PRTFDC1: variants seen among roughly 807,000 people sequenced by gnomAD.
PRTFDC1 encodes phosphoribosyl transferase domain containing 1.
PRTFDC1 carries 38 observed loss-of-function variants against 34.6 expected under a neutral mutation model. The ratio of observed to expected loss-of-function variants is 1.10; its 90% CI spans 0.85 to 1.44. The LOEUF (loss-of-function observed/expected upper bound fraction) is 1.44. Ranked by LOEUF, PRTFDC1 falls within the 40% of genes most tolerant of loss-of-function variation. The pLI is 0.00. For missense variants in PRTFDC1, 270 were observed against 283.0 expected (o/e 0.95, Z 0.33); for synonymous variants, 93 against 98.1 (o/e 0.95, Z 0.31).
At chr10:24,911,233 C>G (rs1487112401) in intron 3 of PRTFDC1, among the ~76,000 whole-genome samples, 2 of 152,172 alleles carry the variant, frequency 1.3e-5, no homozygotes, top group Non-Finnish European at 2.9e-5. Context: ...TTTTTAATTG[C>G]TTTCTTCCTC....
At chr10:24,853,687 A>C (rs1287586824) in intron 7 of PRTFDC1, among the ~76,000 whole-genome samples, 1 of 152,158 alleles carries the variant, frequency 6.6e-6, no homozygotes, top group Non-Finnish European at 1.5e-5. Context: ...GGAGCAATGC[A>C]ATCCTTCCAT....
At chr10:24,855,482 A>C in intron 6 of PRTFDC1, 118 bp from the exon 7 acceptor site, 1 of 1,191,678 alleles carries the variant, frequency 8.4e-7, no homozygotes, top group Non-Finnish European at 1.2e-6. Flanking sequence ...GTGGCACTAT[A>C]TAGATGGTTC....
chr10:24,925,584 A>C (rs928567232), intron 3 of PRTFDC1, among the ~76,000 whole-genome samples: 1 of 152,256 alleles, frequency 6.6e-6, no homozygotes, highest in Non-Finnish European at 1.5e-5. Flanking sequence ...TATACATAGC[A>C]TGCTTAAGTT....
intron 3 of PRTFDC1, among the ~76,000 whole-genome samples, chr10:24,928,423 CAGAA>C: frequency 6.6e-6 from 1 of 152,184 alleles, no homozygotes; most frequent in East Asian, 1.9e-4. Context: ...TTTCCTGTCT[CAGAA>C]AGAAAAGGAG....
chr10:24,929,059 AG>A (rs1250559504), intron 3 of PRTFDC1, among the ~76,000 whole-genome samples: 10,971 of 132,804 alleles, frequency 0.083, 1,291 homozygotes, highest in East Asian at 0.19. Context: ...AAAAAAAGAA[AG>A]AAAGAAAGAA....
chr10:24,910,256 A>G (rs1848607071), intron 3 of PRTFDC1, among the ~76,000 whole-genome samples: 2 of 152,370 alleles, frequency 1.3e-5, no homozygotes, highest in South Asian at 4.1e-4. Context: ...CAGCTCACAC[A>G]TATTTTAAGA....
chr10:24,872,778 G>A (rs1468677991), intron 3 of PRTFDC1, among the ~76,000 whole-genome samples: 2 of 90,002 alleles, frequency 2.2e-5, no homozygotes, highest in Admixed American at 2.3e-4. Context: ...ATATATATAT[G>A]TGTGTGTGTG....
chr10:24,866,869 A>G (rs1464497826), intron 4 of PRTFDC1, among the ~76,000 whole-genome samples: 2 of 151,782 alleles, frequency 1.3e-5, no homozygotes, highest in East Asian at 1.9e-4. Context: ...AAAAAAATAC[A>G]AAAAGAAAGA....
At position 24,929,059 on chromosome 10, in the gene PRTFDC1, AGAAAGAAAG is replaced by A. The variant is rs1564316115; in HGVS notation, c.339+8116_339+8124del. Among the ~76,000 whole-genome samples the A allele has an allele frequency of 1.3e-3, 181 of 134,130 alleles. 30 individuals carry two copies. The highest frequency in any genetic ancestry group is 5.0e-3 in the African/African-American group (158 of 31,698). 88.0% of individuals were successfully genotyped at this position (134,130 alleles called of 152,430 possible). On this transcript the variant is annotated intron_variant, in intron 3 of 8. Coordinates refer to ENST00000320152, the MANE Select transcript of PRTFDC1 (RefSeq NM_020200.7). ...CCGTCTCAAAAAAAAAAAAAAAGAA[AGAAAGAAAG>A]AAAGAAAGGGAGGCTTTCAATTCCA... is the stretch of plus-strand genomic sequence containing the variant.
In PRTFDC1 at chr10:24,849,328, A is replaced by G. The variant is rs1345510344; in HGVS notation, c.*516T>C. The G allele has an allele frequency of 6.5e-6, 1 of 152,744 alleles. No homozygotes were observed. Among genetic ancestry groups the G allele is most frequent in the Non-Finnish European group, 1.5e-5 (1 of 68,140 alleles). 9.5% of individuals were successfully genotyped at this position (152,744 alleles called of 1,614,324 possible). A position where few individuals can be genotyped will look rare whatever the true frequency, so the allele number is the denominator to read the frequency against. ...TGGCCTGTCAGAAATGCACAAACAGAAATTTATATTAAATTGTCCTTTCCC... is the reference window on the plus strand; with the variant it reads ...TGGCCTGTCAGAAATGCACAAACAGGAATTTATATTAAATTGTCCTTTCCC... On this transcript the variant is annotated 3_prime_UTR_variant, in exon 9 of 9. Transcript: ENST00000320152.
At position 24,905,317 on chromosome 10, in the gene PRTFDC1, ATTTTT is replaced by A. The variant is rs59569885; in HGVS notation, c.339+31862_339+31866del. On this transcript the variant is annotated intron_variant, in intron 3 of 8. Transcript: ENST00000320152. ...AACATAGTGAAACCCTGTCTCAAGA[ATTTTT>A]TTTTTTTTTTTTTTTTTTTTTAGAC... 3.8e-4 allele frequency among the ~76,000 whole-genome samples: 33 copies of A among 87,294 alleles called. No individual in the cohort carries two copies. The South Asian group carries it at 6.3e-3, about 17-fold the overall frequency. 57.3% of individuals were successfully genotyped at this position (87,294 alleles called of 152,430 possible).
chr10:24,857,955 TG>T (rs1847613089), intron 5 of PRTFDC1, among the ~76,000 whole-genome samples: 1 of 152,142 alleles, frequency 6.6e-6, no homozygotes, highest in African/African-American at 2.4e-5. Context: ...CATTTTTAAT[TG>T]ATTGTGTTTA....
At chr10:24,938,921 A>G (rs908846355) in intron 2 of PRTFDC1, among the ~76,000 whole-genome samples, 1 of 152,224 alleles carries the variant, frequency 6.6e-6, no homozygotes, top group Non-Finnish European at 1.5e-5. Context: ...TGGAAGACTT[A>G]CTGGCTTGAC....
chr10:24,893,893 G>A (rs1297967375), intron 3 of PRTFDC1, among the ~76,000 whole-genome samples: 2 of 152,192 alleles, frequency 1.3e-5, no homozygotes, highest in Non-Finnish European at 2.9e-5. Context: ...ACTTGGCAAT[G>A]CTGGCGGTAG....
intron 3 of PRTFDC1, among the ~76,000 whole-genome samples, chr10:24,907,041 T>C (rs1254022660): frequency 1.3e-5 from 2 of 152,076 alleles, no homozygotes; most frequent in Non-Finnish European, 2.9e-5. Flanking sequence ...AAAAATGAGA[T>C]AGTATAGATA....
chr10:24,863,010 T>A (rs1847708227), intron 4 of PRTFDC1, among the ~76,000 whole-genome samples: 2 of 152,108 alleles, frequency 1.3e-5, no homozygotes, highest in South Asian at 4.1e-4. Context: ...CCCAAGTAGC[T>A]GGGATTACAG....
intron 3 of PRTFDC1, among the ~76,000 whole-genome samples, chr10:24,912,563 C>A (rs1007732462): frequency 1.3e-4 from 20 of 151,952 alleles, no homozygotes; most frequent in Non-Finnish European, 2.8e-4. Flanking sequence ...CATTCAAATC[C>A]TTTGCCTGTT....
chr10:24,885,818 T>C (rs185593587), intron 3 of PRTFDC1, among the ~76,000 whole-genome samples: 1 of 152,192 alleles, frequency 6.6e-6, no homozygotes, highest in Admixed American at 6.5e-5. Context: ...TCAGTGCAAA[T>C]AAGAGCTATC....
At chr10:24,948,471 C>T (rs564182958) in intron 1 of PRTFDC1, among the ~76,000 whole-genome samples, 32 of 152,314 alleles carry the variant, frequency 2.1e-4, no homozygotes, top group African/African-American at 5.3e-4. Context: ...ATCTACCTCT[C>T]TTATGTGGCA....
Sources: gnomAD v4.1 joint callset for allele counts (sites outside exome capture counted in the v4.1 genomes callset) on GRCh38, gnomAD v4.1.1 for gene constraint, MANE v1.5 for transcripts, NCBI Gene and HGNC (gene_info 2026-07-23, HGNC 2026-07-21) for gene names.